Variants in COQ8B observed in about 807,000 individuals in gnomAD.
The protein encoded by COQ8B is coenzyme Q8B, also known as atypical kinase COQ8B, mitochondrial.
A neutral mutation model predicts 62.0 loss-of-function variants in COQ8B; 44 were observed. That is an observed-to-expected ratio of 0.71 (90% CI 0.56 to 0.91). The LOEUF is 0.91. COQ8B is among the 40% of genes least tolerant of loss of function. COQ8B has a pLI of 0.00. For synonymous variants in COQ8B, 252 were observed against 289.9 expected (o/e 0.87, Z 1.33); for missense variants, 649 against 731.6 (o/e 0.89, Z 1.30).
chr19:40,692,157 G>T lies in COQ8B; in HGVS notation c.1513C>A (p.His505Asn). 6.3e-7 allele frequency: 1 copy of T among 1,599,604 alleles called. No homozygotes were observed. The change falls in exon 15 of 15, where the codon CAC becomes AAC. Residue 505 changes from histidine (H) to asparagine (N), a missense_variant. Physicochemically the swap from His to Asn is moderately conservative, Grantham distance 68. Transcript: ENST00000324464. ...TGGAAGAGGTCCCTGCAGGCGATGT[G>T]GGCTCGGAGGTGGGCACAGGCCAGG... ...AFLACAHLRA[H>N]IACRDLFQDT...
At chr19:40,712,559 G>T (rs2082150794) in intron 4 of COQ8B, among the ~76,000 whole-genome samples, 1 of 152,092 alleles carries the variant, frequency 6.6e-6, no homozygotes, top group Non-Finnish European at 1.5e-5. Context: ...CTGCACTCCA[G>T]TCTGGGTGAC....
At chr19:40,709,562 T>C (rs117406781) in intron 5 of COQ8B, among the ~76,000 whole-genome samples, 3,562 of 152,276 alleles carry the variant, frequency 0.023, 52 homozygotes, top group Non-Finnish European at 0.034. Flanking sequence ...TAATCTAATA[T>C]GTGGCTGGGC....
At chr19:40,692,396 A>T in intron 14 of COQ8B, 23 bp from the exon 15 acceptor site, 1 of 1,605,554 alleles carries the variant, frequency 6.2e-7, no homozygotes, top group African/African-American at 1.3e-5. Flanking sequence ...GTGGGGGGAG[A>T]GCAAAGGCAG....
In COQ8B at chr19:40,714,537, G is replaced by A. The variant is rs755263013; in HGVS notation, c.96C>T (p.His32=). The A allele has an allele frequency of 1.1e-5, 17 of 1,613,598 alleles. No individual in the cohort carries two copies. Among genetic ancestry groups the A allele is most frequent in the African/African-American group, 1.3e-5 (1 of 74,886 alleles). ...WPCGALGPGP[H]RWGPCGGSWA... ...CTGCTCCCTAGCCTCTTACCCAGCG[G>A]TGGGGCCCAGGCCCCAGGGCCCCAC... The change falls in exon 2 of 15, where the codon CAC becomes CAT. Residue 32 remains histidine, a synonymous_variant. Coordinates refer to ENST00000324464, the MANE Select transcript of COQ8B (RefSeq NM_024876.4).
Position 40,696,063 on chromosome 19 carries a change from A to G in COQ8B, c.1144-9T>C. The G allele has an allele frequency of 6.2e-7, 1 of 1,613,810 alleles. No individual in the cohort carries two copies. The highest frequency in any genetic ancestry group is 8.5e-7 in the Non-Finnish European group (1 of 1,179,824). On this transcript the variant is annotated splice_polypyrimidine_tract_variant and intron_variant, in intron 12 of 14. Coordinates refer to ENST00000324464, the MANE Select transcript of COQ8B (RefSeq NM_024876.4). The stretch of plus-strand genomic sequence containing the variant: ...AAGTCCAGCAGGGTCACCTGGAAGC[A>G]AGGAATGGTGAAAGGAATGCTGGGA...
At chr19:40,695,780 G>A (rs1239853564) in intron 13 of COQ8B, among the ~76,000 whole-genome samples, 3 of 152,184 alleles carry the variant, frequency 2.0e-5, no homozygotes, top group Non-Finnish European at 4.4e-5. Context: ...GCATTGTGTT[G>A]CTGTGTGGTT....
intron 5 of COQ8B, among the ~76,000 whole-genome samples, chr19:40,706,198 G>T (rs950584832): frequency 2.0e-5 from 3 of 152,158 alleles, no homozygotes; most frequent in Non-Finnish European, 4.4e-5. Flanking sequence ...TTGGTGAGGG[G>T]AGTGACCAGG....
Position 40,716,587 on chromosome 19 carries a change from G to A in COQ8B, c.-4C>T, listed in dbSNP as rs1382011319. ...TCTATACATGACAGAGATTTCTTACGGAAAATCCAATGGAGCGTAAGTCAT... is the reference window on the plus strand; with the variant it reads ...TCTATACATGACAGAGATTTCTTACAGAAAATCCAATGGAGCGTAAGTCAT... On this transcript the variant is annotated splice_region_variant and 5_prime_UTR_variant, in exon 1 of 15. Coordinates refer to ENST00000324464, the MANE Select transcript of COQ8B (RefSeq NM_024876.4). 1.3e-5 allele frequency: 2 copies of A among 152,244 alleles called. No individual in the cohort carries two copies. Among genetic ancestry groups the A allele is most frequent in the Non-Finnish European group, 2.9e-5 (2 of 68,058 alleles). 9.4% of individuals were successfully genotyped at this position (152,244 alleles called of 1,614,324 possible).
In COQ8B at chr19:40,700,107, G is replaced by A; in HGVS notation, c.1103C>T (p.Pro368Leu). ...LFEFRFMQTD[P>L]NWANFLYDAS... ...ATCATACAGGAAGTTGGCCCAGTTG[G>A]GGTCAGTCTGCATGAATCGGAACTC... Residue 368 changes from proline (P) to leucine (L), a missense_variant, in exon 12 of 15, where the codon CCC becomes CTC. Pro to Leu is a moderately conservative substitution (Grantham distance 98). Transcript: ENST00000324464. The A allele has an allele frequency of 6.2e-7, 1 of 1,614,238 alleles. No individual in the cohort carries two copies. Among genetic ancestry groups the A allele is most frequent in the Non-Finnish European group, 8.5e-7 (1 of 1,180,050 alleles).
chr19:40,697,849 T>TAGAGAGAGAGAGAGAGAGAG (rs1224275474), intron 12 of COQ8B, among the ~76,000 whole-genome samples: 5 of 60,722 alleles, frequency 8.2e-5, no homozygotes, highest in African/African-American at 3.2e-4. Context: ...TATATATATA[T>TAGAGAGAGAGAGAGAGAGAG]ATAGAGAGAG....
In COQ8B at chr19:40,692,193, C is replaced by T. The variant is rs1245757407; in HGVS notation, c.1477G>A (p.Ala493Thr). The part of the protein sequence containing the change: ...EETYALHRKL[A>T]GAFLACAHLR... The stretch of plus-strand genomic sequence containing the variant: ...TGGGCACAGGCCAGGAAAGCCCCTG[C>T]CAGCTTGCGGTGCAGGGCATAGGTC... The change falls in exon 15 of 15, where the codon GCA becomes ACA. Residue 493 changes from alanine (A) to threonine (T), a missense_variant. Coordinates refer to ENST00000324464, the MANE Select transcript of COQ8B (RefSeq NM_024876.4). 6.3e-7 allele frequency: 1 copy of T among 1,597,614 alleles called. No individual in the cohort carries two copies. The highest frequency in any genetic ancestry group is 8.5e-7 in the Non-Finnish European group (1 of 1,172,170).
chr19:40,712,360 G>C (rs2082148461), intron 4 of COQ8B, among the ~76,000 whole-genome samples: 1 of 150,586 alleles, frequency 6.6e-6, no homozygotes, highest in South Asian at 2.1e-4. Flanking sequence ...GGATCATGAG[G>C]TCAGGAGATC....
intron 4 of COQ8B, among the ~76,000 whole-genome samples, chr19:40,713,127 C>A (rs567613525): frequency 6.6e-6 from 1 of 152,188 alleles, no homozygotes; most frequent in Non-Finnish European, 1.5e-5. Flanking sequence ...TTTGGGAGGC[C>A]GAAGTGGGTG....
Position 40,714,321 on chromosome 19 carries a change from C to T in COQ8B, c.179G>A (p.Arg60His), listed in dbSNP as rs752533752. Residue 60 changes from arginine (R) to histidine (H), a missense_variant, in exon 3 of 15, where the codon CGC (arginine) becomes CAC (histidine). Coordinates refer to ENST00000324464, the MANE Select transcript of COQ8B (RefSeq NM_024876.4). ...CCTGGGACGGGCCTCCCGTGCCCTG[C>T]GAATGTCCTCCTCACCCAGGCCTCT... ...PGRGLGEEDI[R>H]RAREARPRKT... 2 of 1,614,030 alleles carry T rather than the reference C, an allele frequency of 1.2e-6. No homozygotes were observed. The highest frequency in any genetic ancestry group is 1.1e-5 in the South Asian group (1 of 91,052).
At position 40,692,935 on chromosome 19, in the gene COQ8B, C is replaced by A; in HGVS notation, c.1296+16G>T. On this transcript the variant is annotated intron_variant, in intron 14 of 14. Transcript: ENST00000324464. ...CCAACAGACACCAGCCCCTTTCTCCCCCAGTGTCTCCCCACCTTGGTTTCA... is the reference window on the plus strand; with the variant it reads ...CCAACAGACACCAGCCCCTTTCTCCACCAGTGTCTCCCCACCTTGGTTTCA... 1 of 1,612,816 alleles carries A rather than the reference C, an allele frequency of 6.2e-7. No homozygotes were observed. The highest frequency in any genetic ancestry group is 1.1e-5 in the South Asian group (1 of 91,024).
intron 10 of COQ8B, 91 bp downstream of exon 10, chr19:40,702,509 A>G (rs1298083534): frequency 1.6e-6 from 2 of 1,228,020 alleles, no homozygotes; most frequent in African/African-American, 1.5e-5. Flanking sequence ...GCCCTACCCC[A>G]CAGCTCCAGC....
chr19:40,708,595 A>T (rs965478878), intron 5 of COQ8B, among the ~76,000 whole-genome samples: 1 of 151,942 alleles, frequency 6.6e-6, no homozygotes, highest in African/African-American at 2.4e-5. Flanking sequence ...GTCATACCCA[A>T]ACCCTAATCC....
intron 12 of COQ8B, among the ~76,000 whole-genome samples, chr19:40,697,875 G>GAGAGAGAGAC (rs58313890): frequency 3.0e-4 from 31 of 103,460 alleles, no homozygotes; most frequent in African/African-American, 9.3e-4. Context: ...GAGAGAGAGA[G>GAGAGAGAGAC]AGTTTCTACT....
intron 10 of COQ8B, 34 bp from the exon 11 acceptor site, chr19:40,700,485 G>A (rs1009697919): frequency 1.2e-5 from 19 of 1,603,398 alleles, no homozygotes; most frequent in African/African-American, 4.0e-5. Context: ...AGGGGACTTC[G>A]TGCTTCAGGC....
Sources: gnomAD v4.1 joint callset for allele counts (sites outside exome capture counted in the v4.1 genomes callset) on GRCh38, gnomAD v4.1.1 for gene constraint, MANE v1.5 for transcripts, NCBI Gene and HGNC (gene_info 2026-07-23, HGNC 2026-07-21) for gene names.